CIMIP7: variants seen among roughly 807,000 people sequenced by gnomAD.
CIMIP7 encodes uncharacterized protein C3orf84.
the CIMIP7 span, among the ~76,000 whole-genome samples, chr3:49,186,226 C>T: frequency 4.6e-5 from 7 of 151,136 alleles, no homozygotes; most frequent in African/African-American, 1.2e-4. Flanking sequence ...CTTGAACTCC[C>T]GACCTCAGGT....
the CIMIP7 span, among the ~76,000 whole-genome samples, chr3:49,182,189 G>C: frequency 1.8e-4 from 27 of 152,242 alleles, no homozygotes; most frequent in Non-Finnish European, 3.8e-4. Context: ...CCTCCACAGC[G>C]TGGAAGGGGA....
At chr3:49,190,569 C>T in the CIMIP7 span, among the ~76,000 whole-genome samples, 2 of 151,294 alleles carry the variant, frequency 1.3e-5, no homozygotes, top group Admixed American at 1.3e-4. Flanking sequence ...AACCTCAGCT[C>T]ACTGCAACCT....
the CIMIP7 span, chr3:49,190,208 C>A: frequency 9.1e-7 from 1 of 1,099,908 alleles, no homozygotes. Context: ...CTCAGGGCCC[C>A]AACTGAGGGT....
At chr3:49,178,701 G>A in the CIMIP7 span, among the ~76,000 whole-genome samples, 1 of 151,280 alleles carries the variant, frequency 6.6e-6, no homozygotes, top group African/African-American at 2.4e-5. Context: ...ACTAATTAAA[G>A]CAACACTTCA....
chr3:49,178,035 C>A, the CIMIP7 span: 27 of 1,604,058 alleles, frequency 1.7e-5, no homozygotes, highest in Admixed American at 4.0e-4. Flanking sequence ...CGATTCCCTG[C>A]AGCAGGCAAT....
chr3:49,181,460 G>C, the CIMIP7 span, among the ~76,000 whole-genome samples: 4 of 151,982 alleles, frequency 2.6e-5, no homozygotes, highest in African/African-American at 9.7e-5. Flanking sequence ...AGACCGGCCT[G>C]GGCAGTGTGG....
the CIMIP7 span, among the ~76,000 whole-genome samples, chr3:49,184,774 G>A: frequency 1.3e-5 from 2 of 151,536 alleles, no homozygotes; most frequent in South Asian, 2.1e-4. Flanking sequence ...GATTACAGGC[G>A]TGAGCCACCA....
At chr3:49,186,744 ACG>A in the CIMIP7 span, among the ~76,000 whole-genome samples, 2 of 149,666 alleles carry the variant, frequency 1.3e-5, no homozygotes, top group African/African-American at 5.0e-5. Context: ...ATACACACAC[ACG>A]CACGCACGCA....
At chr3:49,182,041 T>G in the CIMIP7 span, among the ~76,000 whole-genome samples, 1 of 152,276 alleles carries the variant, frequency 6.6e-6, no homozygotes, top group East Asian at 1.9e-4. Flanking sequence ...TGTTCGTTCC[T>G]CCGGGTGGGT....
chr3:49,183,891 T>C, the CIMIP7 span, among the ~76,000 whole-genome samples: 1 of 152,340 alleles, frequency 6.6e-6, no homozygotes, highest in Non-Finnish European at 1.5e-5. Flanking sequence ...TACTACTCAG[T>C]AAATGAAAAT....
chr3:49,180,462 GTCAC>G, the CIMIP7 span, among the ~76,000 whole-genome samples: 1 of 152,142 alleles, frequency 6.6e-6, no homozygotes, highest in African/African-American at 2.4e-5. Flanking sequence ...TCCCTCTCCA[GTCAC>G]TCAGTTTCTC....
At chr3:49,182,182 CCA>C in the CIMIP7 span, among the ~76,000 whole-genome samples, 1 of 152,186 alleles carries the variant, frequency 6.6e-6, no homozygotes, top group Admixed American at 6.5e-5. Flanking sequence ...AACAAAGCCT[CCA>C]CAGCGTGGAA....
chr3:49,183,867 T>A, the CIMIP7 span, among the ~76,000 whole-genome samples: 2 of 152,228 alleles, frequency 1.3e-5, no homozygotes, highest in African/African-American at 2.4e-5. Flanking sequence ...ACTGGTACAT[T>A]GGTACCAAGG....
the CIMIP7 span, among the ~76,000 whole-genome samples, chr3:49,188,004 A>C: frequency 6.6e-6 from 1 of 152,234 alleles, no homozygotes; most frequent in Admixed American, 6.5e-5. Context: ...ACAGATTGAT[A>C]GGATGTTCCA....
the CIMIP7 span, chr3:49,190,213 G>A: frequency 9.4e-7 from 1 of 1,058,544 alleles, no homozygotes; most frequent in Admixed American, 2.2e-5. Context: ...GGCCCCAACT[G>A]AGGGTTCCAG....
the CIMIP7 span, among the ~76,000 whole-genome samples, chr3:49,190,573 G>C: frequency 6.7e-6 from 1 of 149,908 alleles, no homozygotes; most frequent in African/African-American, 2.5e-5. Flanking sequence ...TCAGCTCACT[G>C]CAACCTCCGC....
chr3:49,190,793 C>T, the CIMIP7 span, among the ~76,000 whole-genome samples: 7,153 of 151,598 alleles, frequency 0.047, 577 homozygotes, highest in African/African-American at 0.16. Flanking sequence ...TTCAGCCTCC[C>T]GAGTATCTGG....
the CIMIP7 span, among the ~76,000 whole-genome samples, chr3:49,184,475 C>T: frequency 6.6e-6 from 1 of 152,122 alleles, no homozygotes; most frequent in African/African-American, 2.4e-5. Flanking sequence ...GCATGTGCCA[C>T]CACACTGGCT....
At chr3:49,183,131 CG>C in the CIMIP7 span, among the ~76,000 whole-genome samples, 3 of 152,156 alleles carry the variant, frequency 2.0e-5, no homozygotes, top group East Asian at 5.8e-4. Flanking sequence ...GAGGAGGTGC[CG>C]AGAGCAAGCA....
Sources: allele counts gnomAD v4.1 joint callset (sites outside exome capture counted in the v4.1 genomes callset), GRCh38; gene constraint gnomAD v4.1.1; transcripts MANE v1.5; gene names NCBI Gene and HGNC (gene_info 2026-07-23, HGNC 2026-07-21).